Variants in ARHGAP24 observed in about 807,000 individuals in gnomAD.
ARHGAP24 encodes rho GTPase-activating protein 24.
ARHGAP24 carries 50 observed loss-of-function variants against 76.4 expected under a neutral mutation model. The ratio of observed to expected loss-of-function variants is 0.65; its 90% CI spans 0.52 to 0.83. The LOEUF (loss-of-function observed/expected upper bound fraction) is 0.83. Among genes scored for constraint, ARHGAP24 ranks in the 40% least tolerant of loss-of-function variants. The pLI is 0.00. For missense variants in ARHGAP24, 930 were observed against 914.2 expected (o/e 1.02, Z -0.22); for synonymous variants, 345 against 323.3 (o/e 1.07, Z -0.72).
chr4:85,961,882 A>G (rs1201751448), intron 5 of ARHGAP24, among the ~76,000 whole-genome samples: 1 of 152,110 alleles, frequency 6.6e-6, no homozygotes, highest in Non-Finnish European at 1.5e-5. Context: ...TACATAATCT[A>G]AAGTCTCTCC....
At chr4:85,722,389 A>AC (rs1372399957) in intron 3 of ARHGAP24, 4 of 200,476 alleles carry the variant, frequency 2.0e-5, no homozygotes, top group African/African-American at 9.5e-5. Flanking sequence ...AAAAAACAAA[A>AC]AAAAAAACAA....
chr4:85,720,672 G>A (rs1724897628), intron 2 of ARHGAP24, among the ~76,000 whole-genome samples: 1 of 152,144 alleles, frequency 6.6e-6, no homozygotes, highest in African/African-American at 2.4e-5. Context: ...GAGAAAGAGA[G>A]TACTAGAGTC....
chr4:85,994,725 G>A lies in ARHGAP24; in HGVS notation c.1071G>A (p.Gln357=). The change falls in exon 9 of 10, where the codon CAG becomes CAA. Residue 357 remains glutamine, a synonymous_variant. Transcript: ENST00000395184. ...NEIQKKATMG[Q]LQNKENNNTK... is the part of the protein sequence containing the mutation. ...TTCAGAAGAAAGCCACCATGGGGCA[G>A]TTACAGAACAAGGAGAACAATAACA... The A allele has an allele frequency of 1.9e-6, 3 of 1,614,150 alleles. No individual in the cohort carries two copies. Among genetic ancestry groups the A allele is most frequent in the Non-Finnish European group, 2.5e-6 (3 of 1,180,032 alleles).
intron 3 of ARHGAP24, among the ~76,000 whole-genome samples, chr4:85,775,058 A>G (rs1233992583): frequency 2.0e-5 from 3 of 152,228 alleles, no homozygotes; most frequent in Non-Finnish European, 4.4e-5. Context: ...ACATGGTTCA[A>G]CTGACTACTA....
At chr4:85,521,165 T>C (rs1210159472) in intron 1 of ARHGAP24, among the ~76,000 whole-genome samples, 1 of 152,118 alleles carries the variant, frequency 6.6e-6, no homozygotes, top group Admixed American at 6.6e-5. Context: ...TCCCAAACCC[T>C]TTACTAATGG....
chr4:85,839,251 G>A (rs557163178), intron 3 of ARHGAP24, among the ~76,000 whole-genome samples: 27 of 152,156 alleles, frequency 1.8e-4, no homozygotes, highest in Non-Finnish European at 3.8e-4. Context: ...TTGCTCCAAA[G>A]TACGTTTCTG....
intron 5 of ARHGAP24, among the ~76,000 whole-genome samples, chr4:85,951,210 A>T (rs566479161): frequency 6.6e-6 from 1 of 152,258 alleles, no homozygotes; most frequent in East Asian, 1.9e-4. Context: ...ATGGTGAGGT[A>T]ATAAGAAGAG....
intron 5 of ARHGAP24, among the ~76,000 whole-genome samples, chr4:85,951,077 G>T (rs1384681977): frequency 6.6e-6 from 1 of 152,006 alleles, no homozygotes. Flanking sequence ...TGTTAAAAAG[G>T]TCATTCTGGC....
intron 2 of ARHGAP24, among the ~76,000 whole-genome samples, chr4:85,695,858 G>A (rs1723847267): frequency 1.3e-5 from 2 of 152,130 alleles, no homozygotes; most frequent in Admixed American, 6.5e-5. Context: ...AGTACATATG[G>A]TACCCAATAG....
chr4:85,876,576 T>G (rs1040619174), intron 3 of ARHGAP24, among the ~76,000 whole-genome samples: 20 of 152,354 alleles, frequency 1.3e-4, no homozygotes, highest in Admixed American at 1.3e-3. Flanking sequence ...CTTGACCATC[T>G]GACATATGCA....
At chr4:85,563,863 A>T (rs373854941) in intron 1 of ARHGAP24, among the ~76,000 whole-genome samples, 17 of 152,358 alleles carry the variant, frequency 1.1e-4, no homozygotes, top group Middle Eastern at 6.8e-3. Context: ...CTGACTTTAC[A>T]TGAGAAAAAT....
At chr4:85,797,211 T>C (rs1345800431) in intron 3 of ARHGAP24, among the ~76,000 whole-genome samples, 3 of 152,084 alleles carry the variant, frequency 2.0e-5, no homozygotes, top group South Asian at 2.1e-4. Context: ...CTTGCTCTGT[T>C]GCCCAGGCTG....
chr4:85,758,669 A>G (rs1726619700), intron 3 of ARHGAP24, among the ~76,000 whole-genome samples: 1 of 152,200 alleles, frequency 6.6e-6, no homozygotes, highest in Admixed American at 6.5e-5. Context: ...AAGATGGACA[A>G]GGGGAAGGAC....
chr4:85,652,949 T>C (rs1004127357), intron 2 of ARHGAP24, among the ~76,000 whole-genome samples: 21 of 152,238 alleles, frequency 1.4e-4, no homozygotes, highest in Non-Finnish European at 2.8e-4. Context: ...TGCTACTTTT[T>C]GTTTCAGTGT....
chr4:85,948,691 G>A (rs1737424981), intron 5 of ARHGAP24, among the ~76,000 whole-genome samples: 1 of 152,160 alleles, frequency 6.6e-6, no homozygotes, highest in South Asian at 2.1e-4. Flanking sequence ...TAAACAGACT[G>A]AAGAAATCAT....
intron 2 of ARHGAP24, among the ~76,000 whole-genome samples, chr4:85,647,572 A>G (rs534150552): frequency 2.4e-4 from 37 of 152,250 alleles, no homozygotes; most frequent in African/African-American, 7.9e-4. Context: ...TTCACATATA[A>G]AATCAATAGG....
intron 2 of ARHGAP24, among the ~76,000 whole-genome samples, chr4:85,630,424 T>C (rs984918204): frequency 6.6e-6 from 1 of 152,216 alleles, no homozygotes; most frequent in African/African-American, 2.4e-5. Flanking sequence ...TTCATGATCC[T>C]TGTGGCTGTT....
chr4:85,779,096 A>C (rs1030891320), intron 3 of ARHGAP24: 1 of 666,160 alleles, frequency 1.5e-6, no homozygotes, highest in Non-Finnish European at 1.9e-6. Flanking sequence ...AAAATATTTT[A>C]GCTTTTTAAC....
In ARHGAP24 at chr4:85,970,213, A is replaced by G. The variant is rs75380630; in HGVS notation, c.600-1823A>G. 7.2e-5 allele frequency among the ~76,000 whole-genome samples: 11 copies of G among 152,270 alleles called. No homozygotes were observed. The East Asian group carries it at 2.1e-3, about 29-fold the overall frequency. On this transcript the variant is annotated intron_variant, in intron 5 of 9. Transcript: ENST00000395184. ...CTTAGCCTTTGTCAATTCTGCAAGG[A>G]CAGGAGGCTTCCTCCCACTTGAGGC...
Sources: allele counts gnomAD v4.1 joint callset (sites outside exome capture counted in the v4.1 genomes callset), GRCh38; gene constraint gnomAD v4.1.1; transcripts MANE v1.5; gene names NCBI Gene and HGNC (gene_info 2026-07-23, HGNC 2026-07-21).